Variants in TMEM51 observed in about 807,000 individuals in gnomAD.
TMEM51 encodes chromosome 1 open reading frame 72.
TMEM51 carries 8 observed loss-of-function variants against 13.6 expected under a neutral mutation model. The ratio of observed to expected loss-of-function variants is 0.59; its 90% CI spans 0.35 to 1.07. TMEM51 has a LOEUF of 1.07. TMEM51 is among the 50% of genes least tolerant of loss of function. The pLI is 0.02. For synonymous variants in TMEM51, 147 were observed against 144.4 expected, an observed-to-expected ratio of 1.02 and a Z score of -0.13; for missense variants, 279 against 330.7, an observed-to-expected ratio of 0.84 and a Z score of 1.21.
intron 1 of TMEM51, among the ~76,000 whole-genome samples, chr1:15,185,714 T>C (rs1643752939): frequency 6.6e-6 from 1 of 152,260 alleles, no homozygotes; most frequent in South Asian, 2.1e-4. Context: ...TTTACCAGTC[T>C]GTGAACTTGA....
intron 1 of TMEM51, among the ~76,000 whole-genome samples, chr1:15,187,311 G>T (rs930412116): frequency 6.6e-6 from 1 of 151,902 alleles, no homozygotes; most frequent in African/African-American, 2.4e-5. Flanking sequence ...CGCTTCCACA[G>T]GTCCCCTGCA....
At chr1:15,212,886 C>T (rs529783631) in intron 2 of TMEM51, among the ~76,000 whole-genome samples, 23 of 152,358 alleles carry the variant, frequency 1.5e-4, no homozygotes, top group African/African-American at 4.8e-4. Flanking sequence ...TATATGCACA[C>T]GTGTTCATGC....
intron 1 of TMEM51, among the ~76,000 whole-genome samples, chr1:15,202,799 A>G (rs1184085296): frequency 5.3e-5 from 8 of 152,168 alleles, no homozygotes; most frequent in Non-Finnish European, 1.2e-4. Context: ...GGACCCGGAT[A>G]TCTTTGAAGA....
intron 1 of TMEM51, among the ~76,000 whole-genome samples, chr1:15,174,431 C>T (rs1041556983): frequency 5.9e-5 from 9 of 152,058 alleles, no homozygotes; most frequent in African/African-American, 1.9e-4. Flanking sequence ...TTGTAGAAAC[C>T]GGGTCTTGCT....
At position 15,158,224 on chromosome 1, in the gene TMEM51, G is replaced by A. The variant is rs113387214; in HGVS notation, c.-267+4270G>A. Among the ~76,000 whole-genome samples, 602 of 152,296 alleles carry A rather than the reference G, an allele frequency of 4.0e-3. 3 individuals carry two copies. Among genetic ancestry groups the A allele is most frequent in the African/African-American group, 0.014 (585 of 41,548 alleles). ...CTTGATGGCTAGCAGGTATTCCCTT[G>A]GCCAAAACCCTGTGACGCTGTGCAA... On this transcript the variant is annotated intron_variant, in intron 1 of 3. Coordinates refer to ENST00000376008, the MANE Select transcript of TMEM51 (RefSeq NM_001136218.2).
chr1:15,168,581 G>A, intron 1 of TMEM51: 1 of 1,304,672 alleles, frequency 7.7e-7, no homozygotes, highest in Non-Finnish European at 1.0e-6. Flanking sequence ...AAGAGGAACT[G>A]TGCCTGGCTG....
chr1:15,197,191 G>A lies in TMEM51; in HGVS notation c.-266-13299G>A, dbSNP rs145191331. ...TTGGCCCAGTGTGGGTTACGTGTCC[G>A]TCTTGAAATTATCACTGTGCCCCAG... On this transcript the variant is annotated intron_variant, in intron 1 of 3. Transcript: ENST00000376008. Among the ~76,000 whole-genome samples, 260 of 152,322 alleles carry A rather than the reference G, an allele frequency of 1.7e-3. 2 individuals carry two copies. Among genetic ancestry groups the A allele is most frequent in the African/African-American group, 5.9e-3 (244 of 41,574 alleles).
intron 1 of TMEM51, among the ~76,000 whole-genome samples, chr1:15,202,532 G>A (rs936127348): frequency 2.0e-5 from 3 of 152,270 alleles, no homozygotes; most frequent in Middle Eastern, 3.4e-3. Flanking sequence ...GAGAGCATGC[G>A]TCTTCTTGCC....
chr1:15,218,995 A>C (rs1333206741), intron 3 of TMEM51, among the ~76,000 whole-genome samples: 3 of 152,180 alleles, frequency 2.0e-5, no homozygotes, highest in Non-Finnish European at 4.4e-5. Context: ...GTGGTCTAAC[A>C]CCACTGGCTC....
At chr1:15,181,301 C>T (rs1211557104) in intron 1 of TMEM51, among the ~76,000 whole-genome samples, 1 of 152,140 alleles carries the variant, frequency 6.6e-6, no homozygotes, top group Admixed American at 6.5e-5. Flanking sequence ...AGGTCACTCA[C>T]CTGTCTAGGT....
chr1:15,197,150 T>C (rs1644066197), intron 1 of TMEM51, among the ~76,000 whole-genome samples: 1 of 152,170 alleles, frequency 6.6e-6, no homozygotes, highest in Admixed American at 6.5e-5. Flanking sequence ...CAGGGAAAGT[T>C]AAAATTTGAA....
chr1:15,155,163 G>T (rs1206043245), intron 1 of TMEM51, among the ~76,000 whole-genome samples: 2 of 152,228 alleles, frequency 1.3e-5, no homozygotes, highest in Admixed American at 6.5e-5. Context: ...CAGACTGGGA[G>T]AAAAGGCCAA....
At chr1:15,200,022 ATG>A (rs1644124412) in intron 1 of TMEM51, among the ~76,000 whole-genome samples, 1 of 152,048 alleles carries the variant, frequency 6.6e-6, no homozygotes, top group African/African-American at 2.4e-5. Context: ...AGCGAAGCAA[ATG>A]TGGGCTGGAT....
At chr1:15,158,724 C>T (rs999684391) in intron 1 of TMEM51, among the ~76,000 whole-genome samples, 1 of 152,202 alleles carries the variant, frequency 6.6e-6, no homozygotes, top group African/African-American at 2.4e-5. Flanking sequence ...CTACCAGGAT[C>T]ACAGCTTTGT....
At chr1:15,159,350 G>A (rs1287083070) in intron 1 of TMEM51, among the ~76,000 whole-genome samples, 1 of 152,142 alleles carries the variant, frequency 6.6e-6, no homozygotes, top group East Asian at 1.9e-4. Context: ...CCACAAATGA[G>A]CGACTCAAAA....
intron 1 of TMEM51, among the ~76,000 whole-genome samples, chr1:15,163,638 T>TTTTTTTTTTTTTTGAGACAGAGTCTC (rs1553197690): frequency 6.2e-4 from 94 of 151,280 alleles, no homozygotes; most frequent in Non-Finnish European, 8.3e-4. Flanking sequence ...TGTTATTTTT[T>TTTTTTTTTTTTTTGAGACAGAGTCTC]GTAATAATAG....
At chr1:15,167,157 C>A (rs1291455851) in intron 1 of TMEM51, among the ~76,000 whole-genome samples, 1 of 151,704 alleles carries the variant, frequency 6.6e-6, no homozygotes. Context: ...TAAACCCCGT[C>A]TCTCCTAAAA....
At chr1:15,193,389 C>T (rs550546014) in intron 1 of TMEM51, among the ~76,000 whole-genome samples, 23 of 152,122 alleles carry the variant, frequency 1.5e-4, no homozygotes, top group Non-Finnish European at 2.8e-4. Flanking sequence ...CAGGCTGGCA[C>T]CTAACGTGGA....
intron 1 of TMEM51, chr1:15,171,055 G>T (rs1643251627): frequency 1.2e-6 from 1 of 800,810 alleles, no homozygotes; most frequent in Admixed American, 2.9e-5. Context: ...GAATCCTCTG[G>T]GGTGGGGGGC....
Sources: allele counts gnomAD v4.1 joint callset (sites outside exome capture counted in the v4.1 genomes callset), GRCh38; gene constraint gnomAD v4.1.1; transcripts MANE v1.5; gene names NCBI Gene and HGNC (gene_info 2026-07-23, HGNC 2026-07-21).